The following PTBP3 variants were observed in gnomAD, a reference collection of about 807,000 sequenced individuals.
The protein encoded by PTBP3 is polypyrimidine tract-binding protein 3.
PTBP3 carries 20 observed loss-of-function variants against 58.7 expected under a neutral mutation model. The ratio of observed to expected loss-of-function variants is 0.34; its 90% confidence interval spans 0.24 to 0.50. The LOEUF (loss-of-function observed/expected upper bound fraction) is 0.50. Ranked by LOEUF, PTBP3 falls within the 20% of genes least tolerant of loss-of-function variation. The pLI, the probability that PTBP3 is intolerant of heterozygous loss-of-function variation, is 0.98. For synonymous variants in PTBP3, 185 were observed against 219.8 expected (o/e 0.84, Z 1.40); for missense variants, 509 against 637.2 (o/e 0.80, Z 2.17).
chr9:112,295,075 A>G (rs1828609911), intron 2 of PTBP3, among the ~76,000 whole-genome samples: 1 of 152,054 alleles, frequency 6.6e-6, no homozygotes, highest in Non-Finnish European at 1.5e-5. Flanking sequence ...CCCTGTCTCT[A>G]CTAAAAATAC....
intron 1 of PTBP3, among the ~76,000 whole-genome samples, chr9:112,306,542 T>C (rs1012342296): frequency 9.3e-5 from 14 of 151,124 alleles, no homozygotes; most frequent in African/African-American, 3.4e-4. Flanking sequence ...GAAAATATGA[T>C]CAAATATTCA....
the PTBP3 span, among the ~76,000 whole-genome samples, chr9:112,367,028 C>A: frequency 6.6e-6 from 1 of 152,176 alleles, no homozygotes; most frequent in Non-Finnish European, 1.5e-5. Flanking sequence ...GCCCTGCTTT[C>A]TTTGTGGTTA....
At chr9:112,342,084 G>A in the PTBP3 span, among the ~76,000 whole-genome samples, 1 of 152,158 alleles carries the variant, frequency 6.6e-6, no homozygotes. Flanking sequence ...AGAAAAAAAA[G>A]GCAGAGGAAA....
intron 7 of PTBP3, among the ~76,000 whole-genome samples, chr9:112,241,012 G>A (rs12351043): frequency 0.56 from 84,643 of 152,104 alleles, 25,277 homozygotes; most frequent in African/African-American, 0.79. Context: ...GTATTATTAC[G>A]AAAGAGTCAA....
At chr9:112,277,956 C>T (rs78539408) in intron 2 of PTBP3, among the ~76,000 whole-genome samples, 2,305 of 97,482 alleles carry the variant, frequency 0.024, 42 homozygotes, top group Middle Eastern at 0.072. Context: ...TATAACATAA[C>T]ATAACATAAC....
chr9:112,232,123 T>C lies in PTBP3; in HGVS notation c.996A>G (p.Leu332=), dbSNP rs772720568. The C allele has an allele frequency of 2.5e-6, 4 of 1,612,568 alleles. No individual in the cohort carries two copies. The highest frequency in any genetic ancestry group is 3.4e-6 in the Non-Finnish European group (4 of 1,179,542). ...CATCAGGATTGAGATTTGTGACGAG[T>C]AGAACAGAATTTCCTGGTATACCAC... ...GASGIPGNSV[L]LVTNLNPDLI... is the part of the protein sequence containing the mutation. Residue 332 remains leucine, a synonymous_variant, in exon 9 of 14, where the codon CTA becomes CTG. Coordinates refer to ENST00000374257, the MANE Select transcript of PTBP3 (RefSeq NM_001163788.4).
chr9:112,270,356 G>A (rs959820383), intron 3 of PTBP3, among the ~76,000 whole-genome samples: 1 of 152,040 alleles, frequency 6.6e-6, no homozygotes, highest in Non-Finnish European at 1.5e-5. Flanking sequence ...ATACACACAC[G>A]TGCACACACA....
chr9:112,347,906 T>G, the PTBP3 span, among the ~76,000 whole-genome samples: 1 of 152,196 alleles, frequency 6.6e-6, no homozygotes, highest in Non-Finnish European at 1.5e-5. Context: ...CCTCATAATT[T>G]ATATATATTA....
At chr9:112,294,069 A>G (rs1213958757) in intron 2 of PTBP3, among the ~76,000 whole-genome samples, 1 of 152,250 alleles carries the variant, frequency 6.6e-6, no homozygotes, top group East Asian at 1.9e-4. Context: ...ACATCAGGAA[A>G]TTGTATTTCA....
At chr9:112,349,223 C>T in the PTBP3 span, among the ~76,000 whole-genome samples, 1 of 152,196 alleles carries the variant, frequency 6.6e-6, no homozygotes, top group Admixed American at 6.5e-5. Flanking sequence ...TGATGAGCTT[C>T]CGGGTTGCTA....
chr9:112,341,442 T>C, the PTBP3 span, among the ~76,000 whole-genome samples: 1 of 152,102 alleles, frequency 6.6e-6, no homozygotes. Flanking sequence ...TCTGGTAGAA[T>C]TTTATTCCCT....
At chr9:112,349,334 T>A in the PTBP3 span, among the ~76,000 whole-genome samples, 1 of 152,112 alleles carries the variant, frequency 6.6e-6, no homozygotes, top group South Asian at 2.1e-4. Context: ...TCCATCCGAG[T>A]GTTCCTGAGT....
the PTBP3 span, among the ~76,000 whole-genome samples, chr9:112,375,841 G>A: frequency 2.0e-5 from 3 of 152,196 alleles, no homozygotes; most frequent in Non-Finnish European, 2.9e-5. Context: ...ATAGTCAAAC[G>A]TTCAGTTTCC....
chr9:112,234,797 C>G (rs1181683542), intron 8 of PTBP3, 23 bp downstream of exon 8: 2 of 1,586,910 alleles, frequency 1.3e-6, no homozygotes, highest in East Asian at 2.2e-5. Context: ...AAAGTCATTT[C>G]AAATCCAACT....
rs1834702337 is a variant in PTBP3, at chr9:112,218,676, ACTC to A, written c.*5172_*5174del. The A allele has an allele frequency of 6.6e-6, 1 of 152,460 alleles. No individual in the cohort carries two copies. Among genetic ancestry groups the A allele is most frequent in the Non-Finnish European group, 1.5e-5 (1 of 68,008 alleles). 9.4% of individuals were successfully genotyped at this position (152,460 alleles called of 1,614,324 possible). A position where few individuals can be genotyped will look rare whatever the true frequency, so the allele number is the denominator to read the frequency against. ...ACATAATTCACTTCAACAATCACAG[ACTC>A]CTTTTTTTCCAATGCCACAGACTGT... On this transcript the variant is annotated 3_prime_UTR_variant, in exon 14 of 14. Transcript: ENST00000374257.
At chr9:112,326,368 C>A (rs986837878) in intron 1 of PTBP3, among the ~76,000 whole-genome samples, 2 of 152,206 alleles carry the variant, frequency 1.3e-5, no homozygotes, top group African/African-American at 2.4e-5. Flanking sequence ...ACTACGACTG[C>A]CTTTGTAGTG....
chr9:112,294,762 A>G (rs1011063192), intron 2 of PTBP3, among the ~76,000 whole-genome samples: 7 of 152,240 alleles, frequency 4.6e-5, no homozygotes, highest in African/African-American at 1.4e-4. Flanking sequence ...TCAAAAGACT[A>G]ATAAAAAATT....
At chr9:112,367,920 T>A in the PTBP3 span, among the ~76,000 whole-genome samples, 1 of 152,192 alleles carries the variant, frequency 6.6e-6, no homozygotes, top group Admixed American at 6.5e-5. Context: ...GGAACTCCCA[T>A]AATGTATATA....
intron 2 of PTBP3, among the ~76,000 whole-genome samples, chr9:112,295,561 T>C (rs796262824): frequency 2.4e-4 from 34 of 142,808 alleles, no homozygotes; most frequent in African/African-American, 8.8e-4. Flanking sequence ...CAGTTTCATC[T>C]GGGTAGCAAT....
Sources: allele counts gnomAD v4.1 joint callset (sites outside exome capture counted in the v4.1 genomes callset), GRCh38; gene constraint gnomAD v4.1.1; transcripts MANE v1.5; gene names NCBI Gene and HGNC (gene_info 2026-07-23, HGNC 2026-07-21).